ANKS1B: variants seen among roughly 807,000 people sequenced by gnomAD.
ANKS1B encodes the protein ankyrin repeat and sterile alpha motif domain containing 1B, also known as ankyrin repeat and sterile alpha motif domain-containing protein 1B.
A neutral mutation model predicts 148.3 loss-of-function variants in ANKS1B; 36 were observed. The observed-to-expected ratio is 0.24, with a 90% CI of 0.19 to 0.32. The LOEUF (loss-of-function observed/expected upper bound fraction) is 0.32, where lower values mean the gene tolerates loss of function less well. ANKS1B is among the 10% of genes least tolerant of loss of function. The probability of loss-of-function intolerance (pLI) is 1.00; values close to 1 mark genes in which losing one functional copy is unlikely to be tolerated. For synonymous variants in ANKS1B, 542 were observed against 560.8 expected (o/e 0.97, Z 0.47); for missense variants, 1,157 against 1,542.6 (o/e 0.75, Z 4.19).
chr12:99,828,942 C>T (rs2083550297), intron 1 of ANKS1B, among the ~76,000 whole-genome samples: 1 of 151,854 alleles, frequency 6.6e-6, no homozygotes, highest in African/African-American at 2.4e-5. Context: ...AAGATCGCAC[C>T]ACTGCACTGC....
At chr12:99,622,887 T>C (rs1280283707) in intron 9 of ANKS1B, among the ~76,000 whole-genome samples, 1 of 152,004 alleles carries the variant, frequency 6.6e-6, no homozygotes, top group African/African-American at 2.4e-5. Flanking sequence ...GCTGCCTATC[T>C]CTTTCTATGA....
At chr12:99,963,292 T>C (rs1171123553) in intron 1 of ANKS1B, among the ~76,000 whole-genome samples, 1 of 152,198 alleles carries the variant, frequency 6.6e-6, no homozygotes, top group Non-Finnish European at 1.5e-5. Flanking sequence ...TTTCTCCCAT[T>C]CTGTAGGCTG....
chr12:99,084,222 A>T (rs918850968), intron 16 of ANKS1B, among the ~76,000 whole-genome samples: 1 of 152,106 alleles, frequency 6.6e-6, no homozygotes, highest in Non-Finnish European at 1.5e-5. Flanking sequence ...GTTGCAGGAG[A>T]TATCGTCTCT....
intron 1 of ANKS1B, among the ~76,000 whole-genome samples, chr12:99,976,402 A>T (rs1285017707): frequency 6.6e-6 from 1 of 152,238 alleles, no homozygotes; most frequent in Non-Finnish European, 1.5e-5. Flanking sequence ...CAGCTGGCAC[A>T]AAAACTGGAG....
At chr12:99,539,622 T>C (rs1029460187) in intron 9 of ANKS1B, among the ~76,000 whole-genome samples, 7 of 152,328 alleles carry the variant, frequency 4.6e-5, no homozygotes, top group African/African-American at 1.7e-4. Flanking sequence ...AATAGCAAGA[T>C]GGCAGGCATA....
chr12:99,439,024 A>G (rs1594811815), intron 11 of ANKS1B, among the ~76,000 whole-genome samples: 1 of 151,866 alleles, frequency 6.6e-6, no homozygotes, highest in East Asian at 1.9e-4. Flanking sequence ...TGGTAATATA[A>G]AACTCAACTG....
At chr12:99,955,596 T>G (rs1435484850) in intron 1 of ANKS1B, among the ~76,000 whole-genome samples, 2 of 149,294 alleles carry the variant, frequency 1.3e-5, no homozygotes, top group Non-Finnish European at 3.0e-5. Flanking sequence ...CCTAAGGGGC[T>G]GTTACCTATC....
intron 17 of ANKS1B, among the ~76,000 whole-genome samples, chr12:98,886,006 G>A (rs946888631): frequency 1.3e-5 from 2 of 152,042 alleles, no homozygotes; most frequent in African/African-American, 4.8e-5. Context: ...AGGGAGGCAG[G>A]AGGAGGGAAA....
chr12:99,087,694 A>G (rs1247820648), intron 15 of ANKS1B, among the ~76,000 whole-genome samples: 2 of 152,212 alleles, frequency 1.3e-5, no homozygotes, highest in African/African-American at 2.4e-5. Context: ...GTGCTAGAAC[A>G]TTACCAGGTT....
intron 10 of ANKS1B, among the ~76,000 whole-genome samples, chr12:99,502,755 T>A (rs1385325340): frequency 6.6e-6 from 1 of 152,176 alleles, no homozygotes; most frequent in African/African-American, 2.4e-5. Flanking sequence ...TAGAACAGTA[T>A]CTGCCACATA....
At chr12:99,950,690 C>T (rs2095196732) in intron 1 of ANKS1B, among the ~76,000 whole-genome samples, 5 of 152,064 alleles carry the variant, frequency 3.3e-5, no homozygotes, top group Admixed American at 2.0e-4. Flanking sequence ...AACATTCAAA[C>T]ACACCAAATA....
chr12:99,235,740 C>T lies in ANKS1B; in HGVS notation c.2419+8602G>A, dbSNP rs372620685. Among the ~76,000 whole-genome samples, 3 of 152,060 alleles carry T rather than the reference C, an allele frequency of 2.0e-5. No homozygotes were observed. In the South Asian group the frequency reaches 6.2e-4, roughly 32 times the overall value. Reference sequence around the variant, plus strand: ...TTCAGTTTTAAAATCTAATGCAAACCTGTATTTCAGAAAAAAAGTATTGCT... The same window carrying T: ...TTCAGTTTTAAAATCTAATGCAAACTTGTATTTCAGAAAAAAAGTATTGCT... On this transcript the variant is annotated intron_variant, in intron 14 of 26. Coordinates refer to ENST00000683438, the MANE Select transcript of ANKS1B (RefSeq NM_001352186.2).
chr12:99,433,124 AT>A (rs2095406446), intron 11 of ANKS1B, among the ~76,000 whole-genome samples: 1 of 152,168 alleles, frequency 6.6e-6, no homozygotes, highest in Non-Finnish European at 1.5e-5. Context: ...CAGATGACAG[AT>A]GGTAAGATTC....
rs1262096078 is a variant in ANKS1B, at chr12:99,052,752, A to G, written c.2778+405T>C. Among the ~76,000 whole-genome samples, 40 of 144,870 alleles carry G rather than the reference A, an allele frequency of 2.8e-4. 1 individual carries two copies. Among genetic ancestry groups the G allele is most frequent in the Non-Finnish European group, 1.3e-4 (9 of 67,046 alleles). On this transcript the variant is annotated intron_variant, in intron 17 of 26. Coordinates refer to ENST00000683438, the MANE Select transcript of ANKS1B (RefSeq NM_001352186.2). Reference sequence around the variant, plus strand: ...TCCGTCTCAAAAAAAAAAAAAAAAAAAAAAAAGAAATAGAGACAAGGAAAC... The same window carrying G: ...TCCGTCTCAAAAAAAAAAAAAAAAAGAAAAAAGAAATAGAGACAAGGAAAC...
chr12:99,184,406 A>C (rs77298358), intron 14 of ANKS1B, among the ~76,000 whole-genome samples: 2,034 of 152,280 alleles, frequency 0.013, 42 homozygotes, highest in African/African-American at 0.046. Flanking sequence ...ATTTGGGTTC[A>C]AGCATAGAAC....
At chr12:98,810,654 C>G (rs2099087715) in intron 19 of ANKS1B, among the ~76,000 whole-genome samples, 1 of 152,214 alleles carries the variant, frequency 6.6e-6, no homozygotes, top group Non-Finnish European at 1.5e-5. Context: ...ACAGTCTTAA[C>G]TGCACTGGGG....
At chr12:99,044,411 AGCGG>A (rs2099961017) in intron 17 of ANKS1B, among the ~76,000 whole-genome samples, 10 of 152,202 alleles carry the variant, frequency 6.6e-5, no homozygotes, top group Admixed American at 6.5e-4. Context: ...AAAGTCCAGG[AGCGG>A]AAAGACTTTC....
At chr12:98,819,498 C>T (rs1036883569) in intron 19 of ANKS1B, among the ~76,000 whole-genome samples, 13 of 152,184 alleles carry the variant, frequency 8.5e-5, no homozygotes, top group African/African-American at 3.1e-4. Flanking sequence ...CAGAAGATAT[C>T]ATGAACTATG....
At chr12:99,971,936 C>G (rs955962388) in intron 1 of ANKS1B, among the ~76,000 whole-genome samples, 1 of 152,104 alleles carries the variant, frequency 6.6e-6, no homozygotes, top group African/African-American at 2.4e-5. Context: ...TTATAGGAAC[C>G]ATGTGTCTAA....
Sources: gnomAD v4.1 joint callset for allele counts (sites outside exome capture counted in the v4.1 genomes callset) on GRCh38, gnomAD v4.1.1 for gene constraint, MANE v1.5 for transcripts, NCBI Gene and HGNC (gene_info 2026-07-23, HGNC 2026-07-21) for gene names.